Variants in R3HDM2 observed in about 807,000 individuals in gnomAD.
The protein encoded by R3HDM2 is R3H domain containing 2.
In R3HDM2, 38 loss-of-function variants were observed where a neutral mutation model predicts 124.5. The ratio of observed to expected loss-of-function variants is 0.31; its 90% confidence interval spans 0.24 to 0.40. The LOEUF is 0.40. Among genes scored for constraint, R3HDM2 ranks in the 10% least tolerant of loss-of-function variants. The probability of loss-of-function intolerance (pLI) is 1.00; values close to 1 mark genes in which losing one functional copy is unlikely to be tolerated. For missense variants in R3HDM2, 869 were observed against 1,236.9 expected, an observed-to-expected ratio of 0.70 and a Z score of 4.46; for synonymous variants, 391 against 448.0, an observed-to-expected ratio of 0.87 and a Z score of 1.61.
intron 2 of R3HDM2, among the ~76,000 whole-genome samples, chr12:57,358,982 A>G (rs1443692577): frequency 6.6e-6 from 1 of 151,540 alleles, no homozygotes; most frequent in East Asian, 1.9e-4. Context: ...CAGTGGTGCA[A>G]TCTCGGCTCA....
intron 2 of R3HDM2, among the ~76,000 whole-genome samples, chr12:57,381,712 G>GC (rs2064905778): frequency 1.3e-5 from 2 of 152,136 alleles, no homozygotes; most frequent in South Asian, 4.2e-4. Flanking sequence ...AATGTGACAT[G>GC]TTTATTGATG....
At chr12:57,255,258 C>T (rs935497852) in intron 23 of R3HDM2, 145 bp from the exon 24 acceptor site, 2 of 622,194 alleles carry the variant, frequency 3.2e-6, no homozygotes, top group Non-Finnish European at 5.3e-6. Flanking sequence ...CCCTTTCTTC[C>T]CCTCCCCACC....
chr12:57,321,645 C>T (rs1464700287), intron 2 of R3HDM2, among the ~76,000 whole-genome samples: 1 of 152,018 alleles, frequency 6.6e-6, no homozygotes, highest in Non-Finnish European at 1.5e-5. Flanking sequence ...GAGCGAAACT[C>T]CGTCTTGGAA....
intron 1 of R3HDM2, among the ~76,000 whole-genome samples, chr12:57,413,847 CTTTT>C (rs56189620): frequency 3.5e-4 from 42 of 120,534 alleles, no homozygotes; most frequent in African/African-American, 6.2e-4. Context: ...AATCCCCCCC[CTTTT>C]TTTTTTTTTT....
At chr12:57,423,789 A>C (rs769476470) in intron 1 of R3HDM2, among the ~76,000 whole-genome samples, 2 of 132,072 alleles carry the variant, frequency 1.5e-5, no homozygotes, top group Non-Finnish European at 3.2e-5. Context: ...CCTGGGCAAC[A>C]GAGCAAGACT....
intron 19 of R3HDM2, among the ~76,000 whole-genome samples, chr12:57,260,127 G>T (rs1467489063): frequency 6.6e-6 from 1 of 151,706 alleles, no homozygotes; most frequent in East Asian, 1.9e-4. Flanking sequence ...AGCTGGGCAT[G>T]GTGGCAAGCA....
chr12:57,330,385 C>T (rs1164145589), intron 2 of R3HDM2, among the ~76,000 whole-genome samples: 2 of 151,484 alleles, frequency 1.3e-5, no homozygotes, highest in African/African-American at 4.9e-5. Flanking sequence ...CTCTCGTTGC[C>T]CCGGCTGGAG....
Position 57,357,222 on chromosome 12 carries a change from C to T in R3HDM2, c.-36+38527G>A, listed in dbSNP as rs975299846. Among the ~76,000 whole-genome samples, 8 of 152,122 alleles carry T rather than the reference C, an allele frequency of 5.3e-5. No individual in the cohort carries two copies. The South Asian group carries it at 1.7e-3, about 32-fold the overall frequency. ...CCTGTAATCCCAGCACTTTGGGAGGCCGAGGCAGGTGGGTGAATCACCTGA... is the reference window on the plus strand; with the variant it reads ...CCTGTAATCCCAGCACTTTGGGAGGTCGAGGCAGGTGGGTGAATCACCTGA... On this transcript the variant is annotated intron_variant, in intron 2 of 23. Coordinates refer to ENST00000402412, the MANE Select transcript of R3HDM2 (RefSeq NM_001394031.1).
intron 2 of R3HDM2, among the ~76,000 whole-genome samples, chr12:57,391,232 AC>A (rs2066637099): frequency 6.6e-6 from 1 of 152,182 alleles, no homozygotes; most frequent in Admixed American, 6.5e-5. Context: ...GTACAGCTAC[AC>A]CATGGAACGC....
chr12:57,317,184 TTG>T (rs556735695), intron 2 of R3HDM2, among the ~76,000 whole-genome samples: 90 of 120,312 alleles, frequency 7.5e-4, no homozygotes, highest in Non-Finnish European at 1.5e-3. Context: ...CCCAGGCTTT[TTG>T]TGTTTTTTTT....
At chr12:57,258,518 T>A (rs2039780540) in intron 20 of R3HDM2, among the ~76,000 whole-genome samples, 1 of 151,946 alleles carries the variant, frequency 6.6e-6, no homozygotes, top group Non-Finnish European at 1.5e-5. Context: ...CTAATTTTTT[T>A]ATTTTCAGTA....
intron 19 of R3HDM2, among the ~76,000 whole-genome samples, chr12:57,260,282 A>AAAAAAAAAAAAAAAAAAAAAAAC (rs2040416180): frequency 6.8e-6 from 1 of 147,700 alleles, no homozygotes; most frequent in South Asian, 2.1e-4. Context: ...AAAAAAAAAA[A>AAAAAAAAAAAAAAAAAAAAAAAC]AAAGCCTGCT....
chr12:57,301,037 G>A (rs1465296785), intron 4 of R3HDM2, among the ~76,000 whole-genome samples: 1 of 152,060 alleles, frequency 6.6e-6, no homozygotes, highest in Non-Finnish European at 1.5e-5. Flanking sequence ...CTGGGAGGTT[G>A]AGGCTGCAGT....
chr12:57,306,812 T>C (rs2052694761), intron 3 of R3HDM2, among the ~76,000 whole-genome samples: 1 of 152,026 alleles, frequency 6.6e-6, no homozygotes, highest in African/African-American at 2.4e-5. Context: ...GTCAGGATAT[T>C]GAGACTAGCC....
intron 2 of R3HDM2, among the ~76,000 whole-genome samples, chr12:57,369,075 C>G (rs954541606): frequency 6.6e-6 from 1 of 152,166 alleles, no homozygotes; most frequent in African/African-American, 2.4e-5. Context: ...TAGTTTTCCT[C>G]CTAGCCTTTA....
At chr12:57,413,476 C>CT (rs1391776117) in intron 1 of R3HDM2, among the ~76,000 whole-genome samples, 3 of 150,772 alleles carry the variant, frequency 2.0e-5, no homozygotes, top group Non-Finnish European at 4.4e-5. Flanking sequence ...TGGCTCATGC[C>CT]TGTAATCCCA....
At chr12:57,290,172 A>C (rs970985466) in intron 11 of R3HDM2, among the ~76,000 whole-genome samples, 1 of 152,262 alleles carries the variant, frequency 6.6e-6, no homozygotes, top group Non-Finnish European at 1.5e-5. Flanking sequence ...AATTAGCTCT[A>C]ATACCCTATT....
In R3HDM2 at chr12:57,310,277, C is replaced by A. The variant is rs200029746; in HGVS notation, c.152G>T (p.Arg51Leu). Reference protein sequence around the residue: ...IEKECEDTSLRQETQRRTSNH... With the variant: ...IEKECEDTSLLQETQRRTSNH... ...TCCAATCGTTACCTGTGTCTCCTGA[C>A]GCAAACTGGTATCTTCACATTCTTT... The change falls in exon 3 of 24, where the codon CGT becomes CTT. Residue 51 changes from arginine (R) to leucine (L), a missense_variant. By Grantham distance (102) the Arg-to-Leu change is moderately radical (BLOSUM62 -2). Transcript: ENST00000402412. The A allele has an allele frequency of 6.5e-7, 1 of 1,536,358 alleles. No homozygotes were observed. Among genetic ancestry groups the A allele is most frequent in the Admixed American group, 2.1e-5 (1 of 47,812 alleles).
chr12:57,421,371 A>C (rs993851708), intron 1 of R3HDM2, among the ~76,000 whole-genome samples: 1 of 150,180 alleles, frequency 6.7e-6, no homozygotes, highest in Non-Finnish European at 1.5e-5. Context: ...GCTGGTCTCC[A>C]ACTCCCGACC....
Sources: gnomAD v4.1 joint callset for allele counts (sites outside exome capture counted in the v4.1 genomes callset) on GRCh38, gnomAD v4.1.1 for gene constraint, MANE v1.5 for transcripts, NCBI Gene and HGNC (gene_info 2026-07-23, HGNC 2026-07-21) for gene names.